Variants in GRAMD2A observed in about 807,000 individuals in gnomAD.
The protein encoded by GRAMD2A is GRAM domain-containing protein 2A.
Under a neutral mutation model 51.1 loss-of-function variants are expected in GRAMD2A, and 37 were observed. The ratio of observed to expected loss-of-function variants is 0.72; its 90% CI spans 0.56 to 0.95. The LOEUF (loss-of-function observed/expected upper bound fraction) is 0.95, where lower values mean the gene tolerates loss of function less well. GRAMD2A is among the 40% of genes least tolerant of loss of function. The pLI is 0.00. For missense variants in GRAMD2A, 414 were observed against 426.9 expected (o/e 0.97, Z 0.27); for synonymous variants, 136 against 157.1 (o/e 0.87, Z 1.01).
intron 1 of GRAMD2A, among the ~76,000 whole-genome samples, chr15:72,196,384 T>C (rs551070440): frequency 2.2e-4 from 34 of 151,226 alleles, no homozygotes; most frequent in African/African-American, 8.0e-4. Context: ...GGCGTGGTGG[T>C]GGGCACCTGT....
chr15:72,159,856 G>T lies in GRAMD2A; in HGVS notation c.*2153C>A, dbSNP rs1321314805. 1 of 152,100 alleles carries T rather than the reference G, an allele frequency of 6.6e-6. No individual in the cohort carries two copies. The highest frequency in any genetic ancestry group is 1.5e-5 in the Non-Finnish European group (1 of 68,026). The allele number at this position is 152,100 out of a possible 1,614,324, so 9.4% of individuals were successfully genotyped here. The stretch of plus-strand genomic sequence containing the variant: ...TTTTAAAATATTTTCAAAGGCTAAG[G>T]CCATAGCAAAACAACCCAAGGGTGG... On this transcript the variant is annotated 3_prime_UTR_variant, in exon 12 of 12. Transcript: ENST00000309731.
At chr15:72,174,362 C>T (rs1052074165) in intron 1 of GRAMD2A, among the ~76,000 whole-genome samples, 5 of 152,126 alleles carry the variant, frequency 3.3e-5, no homozygotes, top group African/African-American at 9.7e-5. Context: ...TGCAGGCAGC[C>T]GCTGTAGACT....
chr15:72,185,777 T>A (rs559645875), intron 1 of GRAMD2A, among the ~76,000 whole-genome samples: 69 of 152,320 alleles, frequency 4.5e-4, no homozygotes, highest in African/African-American at 1.7e-3. Flanking sequence ...ATGAAGAATG[T>A]GTTTCACACA....
At position 72,170,798 on chromosome 15, in the gene GRAMD2A, C is replaced by A. The variant is rs1406296365; in HGVS notation, c.42-859G>T. 6.6e-6 allele frequency among the ~76,000 whole-genome samples: 1 copy of A among 152,166 alleles called. No homozygotes were observed. Among genetic ancestry groups the A allele is most frequent in the Admixed American group, 6.5e-5 (1 of 15,274 alleles). ...GCCAAGAAGCAGGGCCGTGCTGGGG[C>A]AGTGTGGTGGTCAGGAACAGGTAAC... On this transcript the variant is annotated intron_variant, in intron 1 of 11. Coordinates refer to ENST00000309731, the MANE Select transcript of GRAMD2A (RefSeq NM_001012642.3). The surrounding 1 kb of genome is among the most constrained non-coding windows in gnomAD (Gnocchi z 4.5).
chr15:72,175,794 G>A (rs2081648315), intron 1 of GRAMD2A: 1 of 152,320 alleles, frequency 6.6e-6, no homozygotes, highest in Non-Finnish European at 1.5e-5. Flanking sequence ...GTACATCTCT[G>A]TATCCCCAGC....
intron 11 of GRAMD2A, 120 bp downstream of exon 11, chr15:72,162,153 C>G: frequency 1.5e-6 from 2 of 1,360,390 alleles, no homozygotes; most frequent in South Asian, 2.4e-5. Context: ...CCCAACCTTG[C>G]TTAGGGTCAG....
chr15:72,169,649 T>C lies in GRAMD2A; in HGVS notation c.134+198A>G, dbSNP rs2081588237. 1.0e-5 allele frequency: 7 copies of C among 696,306 alleles called. No homozygotes were observed. In the Admixed American group the frequency reaches 1.4e-4, roughly 14 times the overall value. 43.1% of individuals were successfully genotyped at this position (696,306 alleles called of 1,614,324 possible). A position where few individuals can be genotyped will look rare whatever the true frequency, so the allele number is the denominator to read the frequency against. ...GAGGAGGCTGGAAACCCGAGAAGCA[T>C]GGACTCTGCTAGGTCCCAGTGCACT... On this transcript the variant is annotated intron_variant, in intron 2 of 11. Coordinates refer to ENST00000309731, the MANE Select transcript of GRAMD2A (RefSeq NM_001012642.3).
chr15:72,166,567 C>A lies in GRAMD2A; in HGVS notation c.543+65G>T. 1 of 1,244,324 alleles carries A rather than the reference C, an allele frequency of 8.0e-7. No individual in the cohort carries two copies. The highest frequency in any genetic ancestry group is 1.2e-5 in the South Asian group (1 of 83,484). 77.1% of individuals were successfully genotyped at this position (1,244,324 alleles called of 1,614,324 possible). On this transcript the variant is annotated intron_variant, in intron 7 of 11. Coordinates refer to ENST00000309731, the MANE Select transcript of GRAMD2A (RefSeq NM_001012642.3). The surrounding 1 kb of genome is among the most constrained non-coding windows in gnomAD (Gnocchi z 4.1). Reference sequence around the variant, plus strand: ...GAGATGGGCGACCTCCCCCAACACCCTTGTGCAAGACCTGCATCCAGGCCT... The same window carrying A: ...GAGATGGGCGACCTCCCCCAACACCATTGTGCAAGACCTGCATCCAGGCCT...
At position 72,170,372 on chromosome 15, in the gene GRAMD2A, G is replaced by C; in HGVS notation, c.42-433C>G. ...ATGACTGTAAACCATCAGGTTCCGG[G>C]AAAGTAGGCTGAGCACAGGAGGCCT... On this transcript the variant is annotated intron_variant, in intron 1 of 11. Transcript: ENST00000309731. The surrounding 1 kb of genome is among the most constrained non-coding windows in gnomAD (Gnocchi z 4.5). 1 of 456,866 alleles carries C rather than the reference G, an allele frequency of 2.2e-6. No individual in the cohort carries two copies. The highest frequency in any genetic ancestry group is 4.4e-6 in the Non-Finnish European group (1 of 227,390). 28.3% of individuals were successfully genotyped at this position (456,866 alleles called of 1,614,324 possible). A position where few individuals can be genotyped will look rare whatever the true frequency, so the allele number is the denominator to read the frequency against.
intron 7 of GRAMD2A, among the ~76,000 whole-genome samples, chr15:72,165,853 CGTTTTTT>C (rs1170256517): frequency 1.3e-5 from 2 of 150,444 alleles, no homozygotes; most frequent in African/African-American, 2.4e-5. Context: ...TTCCGGTTTT[CGTTTTTT>C]GTTTTTTGTT....
At chr15:72,175,307 C>T (rs192737629) in intron 1 of GRAMD2A, among the ~76,000 whole-genome samples, 51 of 152,334 alleles carry the variant, frequency 3.3e-4, no homozygotes, top group African/African-American at 1.1e-3. Context: ...CGGGTACACA[C>T]TGCCTCTCTC....
At chr15:72,169,991 C>T (rs1268277803) in intron 1 of GRAMD2A, 52 bp from the exon 2 acceptor site, 1 of 1,326,644 alleles carries the variant, frequency 7.5e-7, no homozygotes, top group East Asian at 2.3e-5. Flanking sequence ...GGACACCTTT[C>T]CCTAACAGCC....
chr15:72,169,982 G>T, intron 1 of GRAMD2A, 43 bp from the exon 2 acceptor site: 1 of 1,448,474 alleles, frequency 6.9e-7, no homozygotes, highest in Non-Finnish European at 9.7e-7. Flanking sequence ...GCTTCATGAG[G>T]ACACCTTTCC....
intron 11 of GRAMD2A, 126 bp from the exon 12 acceptor site, chr15:72,162,138 C>T (rs773245542): frequency 4.8e-5 from 66 of 1,371,968 alleles, no homozygotes; most frequent in South Asian, 1.6e-4. Flanking sequence ...GTACCCTGCA[C>T]GCTGCCCAAC....
intron 1 of GRAMD2A, among the ~76,000 whole-genome samples, chr15:72,185,631 C>A (rs2081730213): frequency 6.6e-6 from 1 of 152,210 alleles, no homozygotes; most frequent in Non-Finnish European, 1.5e-5. Context: ...CTTTGCCTTA[C>A]CAGATGTCAG....
At chr15:72,183,859 C>T (rs1376066672) in intron 1 of GRAMD2A, among the ~76,000 whole-genome samples, 1 of 152,168 alleles carries the variant, frequency 6.6e-6, no homozygotes, top group Non-Finnish European at 1.5e-5. Flanking sequence ...GTCAGGACAA[C>T]TTTGGTGCAG....
chr15:72,197,673 G>T, intron 1 of GRAMD2A, 58 bp downstream of exon 1: 1 of 1,243,150 alleles, frequency 8.0e-7, no homozygotes, highest in South Asian at 2.5e-5. Flanking sequence ...CGCGGCAGCA[G>T]CCCCTCGCGG....
At chr15:72,185,964 T>C (rs1363875294) in intron 1 of GRAMD2A, among the ~76,000 whole-genome samples, 1 of 152,192 alleles carries the variant, frequency 6.6e-6, no homozygotes, top group Non-Finnish European at 1.5e-5. Context: ...AAGCAAGATA[T>C]AAAACCCAGA....
chr15:72,167,038 G>A lies in GRAMD2A; in HGVS notation c.427C>T (p.Leu143Phe), dbSNP rs2140545922. The A allele has an allele frequency of 4.3e-6, 7 of 1,614,122 alleles. No homozygotes were observed. The highest frequency in any genetic ancestry group is 2.2e-5 in the East Asian group (1 of 44,874). ...GTGATGGCCAGTCCATTGGGAAGGA[G>A]CCGTGCCATCTTGTGTTTTTTGATC... ...QMIKKHKMARLLPNGLAITTN... is the reference protein window; with the variant it reads ...QMIKKHKMARFLPNGLAITTN... Residue 143 changes from leucine to phenylalanine, a missense_variant, in exon 6 of 12, where the codon CTC becomes TTC. By Grantham distance (22) the Leu-to-Phe change is conservative. Coordinates refer to ENST00000309731, the MANE Select transcript of GRAMD2A (RefSeq NM_001012642.3).
Sources: gnomAD v4.1 joint callset for allele counts (sites outside exome capture counted in the v4.1 genomes callset) on GRCh38, gnomAD v4.1.1 for gene constraint, Gnocchi (gnomAD v3.1) non-coding constraint, MANE v1.5 for transcripts, NCBI Gene and HGNC (gene_info 2026-07-23, HGNC 2026-07-21) for gene names.